The following TNPO1 variants were observed in gnomAD, a reference collection of about 807,000 sequenced individuals.
TNPO1 encodes the protein transportin-1.
A neutral mutation model predicts 119.5 loss-of-function variants in TNPO1; 8 were observed. The ratio of observed to expected loss-of-function variants is 0.07; its 90% confidence interval spans 0.04 to 0.12. TNPO1 has a LOEUF of 0.12. TNPO1 is among the 10% of genes least tolerant of loss of function. The pLI is 1.00. For synonymous variants in TNPO1, 362 were observed against 363.0 expected, an observed-to-expected ratio of 1.00 and a Z score of 0.03; for missense variants, 576 against 1,089.8, an observed-to-expected ratio of 0.53 and a Z score of 6.64.
chr5:72,822,991 C>A (rs1267696402), intron 1 of TNPO1, among the ~76,000 whole-genome samples: 1 of 143,484 alleles, frequency 7.0e-6, no homozygotes, highest in Non-Finnish European at 1.5e-5. Flanking sequence ...TTTTCTTAAA[C>A]CTCTTCTCAA....
intron 6 of TNPO1, among the ~76,000 whole-genome samples, chr5:72,866,084 A>G (rs1246922080): frequency 6.6e-6 from 1 of 152,198 alleles, no homozygotes; most frequent in Non-Finnish European, 1.5e-5. Flanking sequence ...GAATCGGGAT[A>G]CATGTGCAGG....
chr5:72,816,785 G>A, intron 1 of TNPO1, 33 bp downstream of exon 1: 1 of 1,574,100 alleles, frequency 6.4e-7, no homozygotes, highest in Non-Finnish European at 8.6e-7. Flanking sequence ...GCCCCGAACT[G>A]CAGGGGCGGG....
chr5:72,844,161 A>G (rs2112226417), intron 1 of TNPO1, among the ~76,000 whole-genome samples: 1 of 152,354 alleles, frequency 6.6e-6, no homozygotes, highest in South Asian at 2.1e-4. Context: ...GGACAGACCT[A>G]GAAATAATTA....
chr5:72,903,599 C>A (rs919714774), intron 22 of TNPO1, 110 bp from the exon 23 acceptor site: 26 of 697,392 alleles, frequency 3.7e-5, no homozygotes, highest in Non-Finnish European at 5.5e-5. Flanking sequence ...TAAATGTTTC[C>A]TTTTTTAAGC....
rs1750628154 is a variant in TNPO1, at chr5:72,912,440, A to G, written c.*3767A>G. On this transcript the variant is annotated 3_prime_UTR_variant, in exon 25 of 25. Transcript: ENST00000337273. ...GTCTACTCAGTTATAAAATATTCAG[A>G]TACAAGTTTTATCTCAGGTGAATAC... 6.6e-6 allele frequency: 1 copy of G among 152,530 alleles called. No individual in the cohort carries two copies. The highest frequency in any genetic ancestry group is 2.4e-5 in the African/African-American group (1 of 41,452). 9.4% of individuals were successfully genotyped at this position (152,530 alleles called of 1,614,324 possible). A position where few individuals can be genotyped will look rare whatever the true frequency, so the allele number is the denominator to read the frequency against.
intron 8 of TNPO1, among the ~76,000 whole-genome samples, chr5:72,876,012 C>T (rs1747736485): frequency 6.6e-6 from 1 of 152,076 alleles, no homozygotes; most frequent in Non-Finnish European, 1.5e-5. Context: ...TTAAAGGTTG[C>T]AGTCTAAGAT....
intron 14 of TNPO1, among the ~76,000 whole-genome samples, chr5:72,891,326 G>A (rs1169057772): frequency 6.6e-6 from 1 of 152,020 alleles, no homozygotes; most frequent in Non-Finnish European, 1.5e-5. Flanking sequence ...TTAGCCGGGT[G>A]TGGTGGGGGG....
intron 14 of TNPO1, among the ~76,000 whole-genome samples, chr5:72,890,191 A>G (rs778716815): frequency 6.6e-6 from 1 of 152,214 alleles, no homozygotes; most frequent in Non-Finnish European, 1.5e-5. Context: ...GAATGCTCTG[A>G]TACTTTTTAG....
chr5:72,850,088 T>A (rs1044887994), intron 2 of TNPO1, among the ~76,000 whole-genome samples: 30 of 152,326 alleles, frequency 2.0e-4, no homozygotes, highest in Non-Finnish European at 3.8e-4. Context: ...AAAACTACTT[T>A]AGCTAAGAAT....
At chr5:72,854,005 ATGT>A (rs1344451511) in intron 3 of TNPO1, among the ~76,000 whole-genome samples, 1 of 152,170 alleles carries the variant, frequency 6.6e-6, no homozygotes, top group Non-Finnish European at 1.5e-5. Flanking sequence ...GTTTCACCTC[ATGT>A]TGTGGTTTAT....
intron 19 of TNPO1, 118 bp downstream of exon 19, chr5:72,896,674 A>C (rs1749450662): frequency 1.5e-6 from 1 of 664,700 alleles, no homozygotes; most frequent in East Asian, 3.4e-5. Flanking sequence ...GTTTGAGACC[A>C]GCCTGGTTGA....
At chr5:72,892,919 C>T (rs1032931319) in intron 15 of TNPO1, among the ~76,000 whole-genome samples, 7 of 145,094 alleles carry the variant, frequency 4.8e-5, no homozygotes, top group East Asian at 2.0e-4. Flanking sequence ...CTTGTAGAAA[C>T]GCTTCCTCTG....
chr5:72,897,009 G>A (rs1469411033), intron 19 of TNPO1, 47 bp from the exon 20 acceptor site: 3 of 1,243,590 alleles, frequency 2.4e-6, no homozygotes, highest in Non-Finnish European at 3.3e-6. Flanking sequence ...ATATTTTAAC[G>A]TTCAATTTTT....
In TNPO1 at chr5:72,816,717, C is replaced by T. The variant is rs774396175; in HGVS notation, c.-21C>T. 5.7e-6 allele frequency: 9 copies of T among 1,569,332 alleles called. No individual in the cohort carries two copies. Among genetic ancestry groups the T allele is most frequent in the South Asian group, 1.2e-5 (1 of 84,768 alleles). ...GGCAGTGCCGCTTCGGCCGAAGGCCCGAGCGCCCGAGGCGTCTGGGATGGT... is the reference window on the plus strand; with the variant it reads ...GGCAGTGCCGCTTCGGCCGAAGGCCTGAGCGCCCGAGGCGTCTGGGATGGT... On this transcript the variant is annotated 5_prime_UTR_variant, in exon 1 of 25. Transcript: ENST00000337273.
intron 1 of TNPO1, among the ~76,000 whole-genome samples, chr5:72,817,898 A>C (rs937166699): frequency 2.0e-5 from 3 of 152,192 alleles, no homozygotes; most frequent in Non-Finnish European, 4.4e-5. Context: ...TGTTTAGTGG[A>C]AAAGGGGAAA....
intron 6 of TNPO1, among the ~76,000 whole-genome samples, chr5:72,866,928 G>A (rs1046058731): frequency 7.2e-5 from 11 of 151,950 alleles, no homozygotes; most frequent in Admixed American, 1.3e-4. Context: ...AAATCACAGC[G>A]CTTTGGGAGG....
At chr5:72,823,782 A>T (rs911797319) in intron 1 of TNPO1, among the ~76,000 whole-genome samples, 1 of 152,154 alleles carries the variant, frequency 6.6e-6, no homozygotes, top group African/African-American at 2.4e-5. Flanking sequence ...GTAACTGAGC[A>T]TGGCCAGAAA....
chr5:72,861,209 C>T (rs1746421675), intron 4 of TNPO1, among the ~76,000 whole-genome samples: 1 of 151,972 alleles, frequency 6.6e-6, no homozygotes, highest in Admixed American at 6.6e-5. Context: ...CCGTGCCCAG[C>T]CATTAGAATT....
At chr5:72,881,522 TC>T (rs1748246526) in intron 9 of TNPO1, among the ~76,000 whole-genome samples, 2 of 152,194 alleles carry the variant, frequency 1.3e-5, no homozygotes, top group African/African-American at 4.8e-5. Flanking sequence ...AAATTTACAC[TC>T]CCCTAGGGGG....
Sources: allele counts gnomAD v4.1 joint callset (sites outside exome capture counted in the v4.1 genomes callset), GRCh38; gene constraint gnomAD v4.1.1; transcripts MANE v1.5; gene names NCBI Gene and HGNC (gene_info 2026-07-23, HGNC 2026-07-21).